The following ARHGAP24 variants were observed in gnomAD, a reference collection of about 807,000 sequenced individuals.
The protein encoded by ARHGAP24 is Rho GTPase activating protein 24, also known as rho GTPase-activating protein 24.
In ARHGAP24, 50 loss-of-function variants were observed where a neutral mutation model predicts 76.4. That is an observed-to-expected ratio of 0.65 (90% CI 0.52 to 0.83). The LOEUF is 0.83. Ranked by LOEUF, ARHGAP24 falls within the 40% of genes least tolerant of loss-of-function variation. The pLI, the probability that ARHGAP24 is intolerant of heterozygous loss-of-function variation, is 0.00. For synonymous variants in ARHGAP24, 345 were observed against 323.3 expected, an observed-to-expected ratio of 1.07 and a Z score of -0.72; for missense variants, 930 against 914.2, an observed-to-expected ratio of 1.02 and a Z score of -0.22.
At chr4:85,700,822 G>A (rs1052061057) in intron 2 of ARHGAP24, among the ~76,000 whole-genome samples, 9 of 152,220 alleles carry the variant, frequency 5.9e-5, no homozygotes, top group Non-Finnish European at 5.9e-5. Flanking sequence ...AGAAAAAAAT[G>A]GAAAATCACT....
intron 3 of ARHGAP24, among the ~76,000 whole-genome samples, chr4:85,863,284 G>T (rs1732006491): frequency 6.6e-6 from 1 of 151,982 alleles, no homozygotes; most frequent in Non-Finnish European, 1.5e-5. Context: ...ACTCAGAGAA[G>T]CCTTTGTTAA....
intron 3 of ARHGAP24, among the ~76,000 whole-genome samples, chr4:85,753,378 T>C (rs1726337372): frequency 6.6e-6 from 1 of 152,200 alleles, no homozygotes; most frequent in Non-Finnish European, 1.5e-5. Context: ...CAAGTACATA[T>C]ATTTATAATT....
chr4:85,610,556 A>G (rs769246045), intron 2 of ARHGAP24, among the ~76,000 whole-genome samples: 19 of 151,794 alleles, frequency 1.3e-4, no homozygotes, highest in Non-Finnish European at 2.7e-4. Flanking sequence ...AAATAGACAA[A>G]ATGCAAAGGG....
chr4:85,750,485 CTTTTTTTTTTT>C (rs60635375), intron 3 of ARHGAP24, among the ~76,000 whole-genome samples: 3 of 61,640 alleles, frequency 4.9e-5, no homozygotes, highest in African/African-American at 1.4e-4. Context: ...CTTTTCATTC[CTTTTTTTTTTT>C]TTTTTTTTTT....
intron 3 of ARHGAP24, chr4:85,827,736 G>A: frequency 2.8e-6 from 1 of 357,792 alleles, no homozygotes; most frequent in East Asian, 7.4e-5. Context: ...GACCTTGCAG[G>A]ACTCAGCGTT....
chr4:85,786,266 T>C (rs1727838128), intron 3 of ARHGAP24, among the ~76,000 whole-genome samples: 1 of 152,238 alleles, frequency 6.6e-6, no homozygotes, highest in Admixed American at 6.5e-5. Flanking sequence ...CTTGGAGTAT[T>C]AATTCCATTG....
At chr4:85,708,458 C>T (rs1173879206) in intron 2 of ARHGAP24, among the ~76,000 whole-genome samples, 1 of 152,016 alleles carries the variant, frequency 6.6e-6, no homozygotes, top group African/African-American at 2.4e-5. Context: ...AATGAGAAAA[C>T]AGAGGTACAG....
intron 2 of ARHGAP24, among the ~76,000 whole-genome samples, chr4:85,633,325 T>C (rs1024612368): frequency 6.6e-6 from 1 of 151,942 alleles, no homozygotes; most frequent in Admixed American, 6.6e-5. Context: ...TTGAATTGTT[T>C]CAGAATGTTT....
chr4:85,690,193 T>C (rs192281748), intron 2 of ARHGAP24, among the ~76,000 whole-genome samples: 481 of 152,298 alleles, frequency 3.2e-3, no homozygotes, highest in Non-Finnish European at 5.0e-3. Flanking sequence ...TTGTTGCGGA[T>C]TTTTGCATTG....
At chr4:85,586,881 G>A (rs1391695361) in intron 2 of ARHGAP24, among the ~76,000 whole-genome samples, 2 of 152,056 alleles carry the variant, frequency 1.3e-5, no homozygotes, top group Admixed American at 6.6e-5. Flanking sequence ...CTGGGCAACA[G>A]AGCAAGACTC....
intron 8 of ARHGAP24, 46 bp from the exon 9 acceptor site, chr4:85,994,537 T>C (rs367732627): frequency 4.3e-5 from 68 of 1,563,336 alleles, no homozygotes; most frequent in Non-Finnish European, 5.6e-5. Context: ...TAGAAATAAA[T>C]AAAAACTGTC....
chr4:85,972,104 T>C lies in ARHGAP24; in HGVS notation c.668T>C (p.Ile223Thr). The C allele has an allele frequency of 6.2e-7, 1 of 1,614,106 alleles. No homozygotes were observed. Among genetic ancestry groups the C allele is most frequent in the South Asian group, 1.1e-5 (1 of 91,050 alleles). Residue 223 changes from isoleucine (I) to threonine (T), a missense_variant, in exon 6 of 10, where the codon ATT becomes ACT. Coordinates refer to ENST00000395184, the MANE Select transcript of ARHGAP24 (RefSeq NM_001025616.3). ...CTCCGAGAACTTCCAGAACCAGTTA[T>C]TCCTTATGCGAAGTATGAAGATTTT... The part of the protein sequence containing the change: ...LYLRELPEPV[I>T]PYAKYEDFLS...
chr4:85,725,514 G>A (rs370436968), intron 3 of ARHGAP24, among the ~76,000 whole-genome samples: 118 of 152,302 alleles, frequency 7.7e-4, no homozygotes, highest in Middle Eastern at 6.8e-3. Context: ...TTCTGATGAT[G>A]AGACCAAGAG....
At chr4:85,650,955 A>C (rs1392649657) in intron 2 of ARHGAP24, among the ~76,000 whole-genome samples, 1 of 149,686 alleles carries the variant, frequency 6.7e-6, no homozygotes, top group Non-Finnish European at 1.5e-5. Flanking sequence ...AAGAAATATA[A>C]AGTCCCAGGA....
At chr4:85,545,105 A>C (rs6822693) in intron 1 of ARHGAP24, among the ~76,000 whole-genome samples, 1 of 150,346 alleles carries the variant, frequency 6.7e-6, no homozygotes, top group Non-Finnish European at 1.5e-5. Context: ...TTTTTTTTTT[A>C]AATTTTTTAA....
chr4:85,928,491 T>C (rs1416403042), intron 4 of ARHGAP24, among the ~76,000 whole-genome samples: 1 of 152,148 alleles, frequency 6.6e-6, no homozygotes, highest in Non-Finnish European at 1.5e-5. Context: ...GGAGTCTCCT[T>C]CTGTTGTCCA....
intron 2 of ARHGAP24, among the ~76,000 whole-genome samples, chr4:85,653,269 T>C (rs1347126536): frequency 6.6e-6 from 1 of 152,176 alleles, no homozygotes; most frequent in Non-Finnish European, 1.5e-5. Flanking sequence ...ATTTTCTGAA[T>C]ATGAGTAATG....
chr4:85,874,858 TA>T (rs1221818188), intron 3 of ARHGAP24, among the ~76,000 whole-genome samples: 55 of 102,280 alleles, frequency 5.4e-4, no homozygotes, highest in Non-Finnish European at 7.6e-4. Flanking sequence ...AATTTATATA[TA>T]AATATATTTT....
At chr4:85,643,946 T>G (rs1433693027) in intron 2 of ARHGAP24, among the ~76,000 whole-genome samples, 1 of 152,176 alleles carries the variant, frequency 6.6e-6, no homozygotes, top group Non-Finnish European at 1.5e-5. Context: ...TTATTAGGTG[T>G]CTTAGATTGG....
Sources: allele counts gnomAD v4.1 joint callset (sites outside exome capture counted in the v4.1 genomes callset), GRCh38; gene constraint gnomAD v4.1.1; transcripts MANE v1.5; gene names NCBI Gene and HGNC (gene_info 2026-07-23, HGNC 2026-07-21).